DRC2: variants seen among roughly 807,000 people sequenced by gnomAD.
DRC2 encodes the protein dynein regulatory complex subunit 2.
the DRC2 span, among the ~76,000 whole-genome samples, chr12:48,912,718 G>A: frequency 6.6e-6 from 1 of 152,142 alleles, no homozygotes; most frequent in East Asian, 1.9e-4. Context: ...ATTGTAGGAT[G>A]GGAGATATTG....
At chr12:48,920,168 G>A in the DRC2 span, among the ~76,000 whole-genome samples, 6 of 145,330 alleles carry the variant, frequency 4.1e-5, no homozygotes, top group Admixed American at 2.1e-4. Flanking sequence ...TTGGCTGGGC[G>A]CAGTGGCTCA....
chr12:48,906,579 C>G, the DRC2 span, among the ~76,000 whole-genome samples: 528 of 151,972 alleles, frequency 3.5e-3, 4 homozygotes, highest in Non-Finnish European at 5.2e-3. Context: ...CCACCACGCC[C>G]AGCCACTGAG....
chr12:48,910,705 T>C, the DRC2 span, among the ~76,000 whole-genome samples: 1 of 152,248 alleles, frequency 6.6e-6, no homozygotes, highest in Non-Finnish European at 1.5e-5. Flanking sequence ...TTTACATAAA[T>C]GATCTTATTA....
chr12:48,919,088 G>A, the DRC2 span, among the ~76,000 whole-genome samples: 2 of 152,048 alleles, frequency 1.3e-5, no homozygotes, highest in African/African-American at 2.4e-5. Flanking sequence ...ATTTATTTAT[G>A]TATTTCTACA....
At chr12:48,919,075 T>A in the DRC2 span, among the ~76,000 whole-genome samples, 4 of 152,096 alleles carry the variant, frequency 2.6e-5, no homozygotes, top group Non-Finnish European at 1.5e-5. Flanking sequence ...ATTAAATTAA[T>A]TTATTTATTT....
chr12:48,918,871 A>G, the DRC2 span: 46 of 1,613,800 alleles, frequency 2.9e-5, no homozygotes, highest in Non-Finnish European at 3.9e-5. Flanking sequence ...AAGTAATGCC[A>G]CCCTCAAGGC....
chr12:48,916,937 C>T, the DRC2 span: 5 of 1,608,144 alleles, frequency 3.1e-6, no homozygotes, highest in African/African-American at 5.3e-5. Context: ...TCCTGTATCC[C>T]TCAGAGCAGG....
chr12:48,912,943 C>G, the DRC2 span, among the ~76,000 whole-genome samples: 1 of 151,924 alleles, frequency 6.6e-6, no homozygotes, highest in African/African-American at 2.4e-5. Context: ...CGAGACCATC[C>G]TGGCCAACAT....
At chr12:48,914,721 CT>C in the DRC2 span, 1 of 731,634 alleles carries the variant, frequency 1.4e-6, no homozygotes, top group Non-Finnish European at 2.1e-6. Context: ...ATCTTGGTTC[CT>C]TTTAAACAAA....
chr12:48,904,279 C>T, the DRC2 span: 1 of 1,576,150 alleles, frequency 6.3e-7, no homozygotes, highest in East Asian at 2.3e-5. Context: ...CTTCTAAGCT[C>T]TGTAACGCGG....
the DRC2 span, among the ~76,000 whole-genome samples, chr12:48,916,445 C>T: frequency 9.2e-5 from 14 of 151,952 alleles, no homozygotes; most frequent in Admixed American, 8.5e-4. Context: ...CAAAAAAATA[C>T]GAAAACCAGT....
chr12:48,918,424 G>A, the DRC2 span: 1 of 1,614,148 alleles, frequency 6.2e-7, no homozygotes, highest in Non-Finnish European at 8.5e-7. Context: ...AGGATGAGAA[G>A]AGCTCCAAAG....
the DRC2 span, among the ~76,000 whole-genome samples, chr12:48,905,728 T>C: frequency 6.6e-6 from 1 of 152,216 alleles, no homozygotes; most frequent in East Asian, 1.9e-4. Flanking sequence ...TTACTTTTAA[T>C]ATTCTGCCTC....
At chr12:48,913,436 G>A in the DRC2 span, among the ~76,000 whole-genome samples, 5 of 150,782 alleles carry the variant, frequency 3.3e-5, no homozygotes, top group African/African-American at 4.9e-5. Flanking sequence ...CCTGAGTAGC[G>A]GGGATTATAG....
At chr12:48,920,846 C>T in the DRC2 span, 1 of 1,363,670 alleles carries the variant, frequency 7.3e-7, no homozygotes, top group Non-Finnish European at 1.0e-6. Context: ...AGTAGCTTCC[C>T]TGGGTTCAAA....
chr12:48,917,146 G>A, the DRC2 span: 3 of 1,610,248 alleles, frequency 1.9e-6, no homozygotes, highest in South Asian at 3.3e-5. Flanking sequence ...AGTGGGAGGA[G>A]GTGATAGAAA....
chr12:48,905,603 G>A, the DRC2 span, among the ~76,000 whole-genome samples: 18 of 152,314 alleles, frequency 1.2e-4, no homozygotes, highest in Middle Eastern at 3.4e-3. Flanking sequence ...GGTAAGAGCA[G>A]TTCTGGATTT....
chr12:48,912,455 A>AAAAAAAAAAAAAAAAAAC, the DRC2 span, among the ~76,000 whole-genome samples: 2 of 149,978 alleles, frequency 1.3e-5, no homozygotes, highest in African/African-American at 2.5e-5. Context: ...AAAAAAAAAA[A>AAAAAAAAAAAAAAAAAAC]AAAAATTCAT....
At chr12:48,916,973 G>A in the DRC2 span, 1 of 1,613,798 alleles carries the variant, frequency 6.2e-7, no homozygotes, top group Non-Finnish European at 8.5e-7. Flanking sequence ...CCTACAGGAA[G>A]ACAATTATTG....
Sources: gnomAD v4.1 joint callset for allele counts (sites outside exome capture counted in the v4.1 genomes callset) on GRCh38, gnomAD v4.1.1 for gene constraint, MANE v1.5 for transcripts, NCBI Gene and HGNC (gene_info 2026-07-23, HGNC 2026-07-21) for gene names.